Variants in CTIF observed in about 807,000 individuals in gnomAD.
CTIF encodes CBP80/20-dependent translation initiation factor.
A neutral mutation model predicts 66.0 loss-of-function variants in CTIF; 21 were observed. The observed-to-expected ratio is 0.32, with a 90% CI of 0.23 to 0.46. The LOEUF (loss-of-function observed/expected upper bound fraction) is 0.46, where lower values mean the gene tolerates loss of function less well. Among genes scored for constraint, CTIF ranks in the 20% least tolerant of loss-of-function variants. CTIF has a pLI of 1.00. For synonymous variants in CTIF, 345 were observed against 326.4 expected, an observed-to-expected ratio of 1.06 and a Z score of -0.62; for missense variants, 739 against 812.7, an observed-to-expected ratio of 0.91 and a Z score of 1.10.
rs1030349387 is a variant in CTIF, at chr18:48,815,604, C to T, written c.1372-1617C>T. On this transcript the variant is annotated intron_variant, in intron 9 of 11. Transcript: ENST00000256413. ...GTCATTATAAGCTGTGGCCTAGGCT[C>T]ATCCAAAGCTGGCACTGCAGGGCTT... Among the ~76,000 whole-genome samples, 8 of 152,374 alleles carry T rather than the reference C, an allele frequency of 5.3e-5. No individual in the cohort carries two copies. In the East Asian group the frequency reaches 7.7e-4, roughly 15 times the overall value.
chr18:48,649,321 G>A (rs907213652), intron 3 of CTIF, among the ~76,000 whole-genome samples: 1 of 152,238 alleles, frequency 6.6e-6, no homozygotes, highest in Non-Finnish European at 1.5e-5. Context: ...GGCTCAGCGG[G>A]TCCCATGCCC....
At chr18:48,622,785 G>C (rs2144458088) in intron 2 of CTIF, among the ~76,000 whole-genome samples, 2 of 152,274 alleles carry the variant, frequency 1.3e-5, no homozygotes, top group Admixed American at 1.3e-4. Context: ...AGCCCCTAGA[G>C]CTGACTTCCC....
intron 7 of CTIF, among the ~76,000 whole-genome samples, chr18:48,722,933 G>A (rs886782707): frequency 2.0e-5 from 3 of 152,236 alleles, no homozygotes; most frequent in Non-Finnish European, 4.4e-5. Flanking sequence ...TGCCAAGCCT[G>A]GATGTCACTC....
At chr18:48,766,615 C>A (rs1295193402) in intron 9 of CTIF, among the ~76,000 whole-genome samples, 1 of 152,214 alleles carries the variant, frequency 6.6e-6, no homozygotes, top group Non-Finnish European at 1.5e-5. Flanking sequence ...TGAGGAGACA[C>A]CCCAGAGACA....
intron 6 of CTIF, among the ~76,000 whole-genome samples, chr18:48,686,131 A>G (rs2091837217): frequency 6.6e-6 from 1 of 152,234 alleles, no homozygotes; most frequent in Non-Finnish European, 1.5e-5. Flanking sequence ...TGATCAGCAA[A>G]TAGTGGTTTT....
intron 2 of CTIF, chr18:48,621,428 C>G (rs2090491501): frequency 8.1e-6 from 2 of 247,222 alleles, no homozygotes; most frequent in Non-Finnish European, 1.6e-5. Context: ...GGAGGGAGAG[C>G]TGCGGAGATG....
At chr18:48,661,473 G>T (rs299750) in intron 3 of CTIF, among the ~76,000 whole-genome samples, 135,240 of 152,050 alleles carry the variant, frequency 0.89, 60,565 homozygotes, top group East Asian at 1. Context: ...CAGGAGGGGG[G>T]TGTGAACAAG....
In CTIF at chr18:48,621,964, G is replaced by T. The variant is rs1410311438; in HGVS notation, c.180+2219G>T. On this transcript the variant is annotated intron_variant, in intron 2 of 11. Transcript: ENST00000256413. ...TGACAGGAGGGAGTGGCAGGTGTGG[G>T]GCCGCGCATCTAAAATGGCTCCTGC... 4.6e-5 allele frequency among the ~76,000 whole-genome samples: 7 copies of T among 152,326 alleles called. No individual in the cohort carries two copies. In the East Asian group the frequency reaches 1.3e-3, roughly 29 times the overall value.
chr18:48,684,700 CAAAG>C (rs2091806970), intron 6 of CTIF, among the ~76,000 whole-genome samples: 1 of 152,180 alleles, frequency 6.6e-6, no homozygotes, highest in Non-Finnish European at 1.5e-5. Flanking sequence ...AAAAATAACA[CAAAG>C]AATTCCTATA....
In CTIF at chr18:48,862,698, G is replaced by T. The variant is rs8091995; in HGVS notation, c.*3139G>T. 0.18 allele frequency: 27,782 copies of T among 152,546 alleles called. 2,708 individuals are homozygous for T. The highest frequency in any genetic ancestry group is 0.23 in the African/African-American group (9,452 of 41,478). 9.4% of individuals were successfully genotyped at this position (152,546 alleles called of 1,614,324 possible). On this transcript the variant is annotated 3_prime_UTR_variant, in exon 12 of 12. Transcript: ENST00000256413. ...TTCTATTATTTTCTCCGAGGGATGAGGGTGGGGGGTGTGGGAAGGGTACCA... is the reference window on the plus strand; with the variant it reads ...TTCTATTATTTTCTCCGAGGGATGATGGTGGGGGGTGTGGGAAGGGTACCA...
intron 6 of CTIF, among the ~76,000 whole-genome samples, chr18:48,690,156 T>TCCACC (rs1340787639): frequency 6.6e-6 from 1 of 152,088 alleles, no homozygotes; most frequent in African/African-American, 2.4e-5. Context: ...CTCCCCCATC[T>TCCACC]CCACCCCACC....
chr18:48,585,539 C>A (rs1174904833), intron 1 of CTIF, among the ~76,000 whole-genome samples: 1 of 152,166 alleles, frequency 6.6e-6, no homozygotes. Flanking sequence ...ACACCATCCA[C>A]ACACTGGGGG....
intron 5 of CTIF, among the ~76,000 whole-genome samples, chr18:48,668,353 A>G (rs1366033721): frequency 1.3e-5 from 2 of 152,154 alleles, no homozygotes; most frequent in Non-Finnish European, 2.9e-5. Context: ...CTCCTCCCCT[A>G]TGGCCCAGGC....
At chr18:48,806,816 G>A (rs1327168487) in intron 9 of CTIF, among the ~76,000 whole-genome samples, 3 of 152,222 alleles carry the variant, frequency 2.0e-5, no homozygotes, top group Non-Finnish European at 2.9e-5. Context: ...CTGAGACACT[G>A]AATGGCTTTC....
At chr18:48,618,461 T>A (rs554599642) in intron 1 of CTIF, among the ~76,000 whole-genome samples, 29 of 152,302 alleles carry the variant, frequency 1.9e-4, no homozygotes, top group Admixed American at 1.4e-3. Flanking sequence ...GGATCTTCCA[T>A]GGAAATCACA....
At chr18:48,844,270 A>G (rs2069017902) in intron 10 of CTIF, among the ~76,000 whole-genome samples, 1 of 152,130 alleles carries the variant, frequency 6.6e-6, no homozygotes, top group African/African-American at 2.4e-5. Flanking sequence ...AACCCACCCC[A>G]GGGTCCTGGG....
At chr18:48,569,004 T>G (rs2089349189) in intron 1 of CTIF, among the ~76,000 whole-genome samples, 1 of 152,186 alleles carries the variant, frequency 6.6e-6, no homozygotes, top group African/African-American at 2.4e-5. Flanking sequence ...CTCCTTGGCC[T>G]GCTGATGGTC....
chr18:48,603,369 AGATGGATG>A (rs754747962), intron 1 of CTIF, among the ~76,000 whole-genome samples: 9 of 123,480 alleles, frequency 7.3e-5, no homozygotes, highest in South Asian at 2.9e-4. Context: ...ATAGGTGGGT[AGATGGATG>A]GATGGATGGA....
chr18:48,749,594 A>G (rs1907598829), intron 7 of CTIF, among the ~76,000 whole-genome samples: 2 of 152,228 alleles, frequency 1.3e-5, no homozygotes, highest in African/African-American at 4.8e-5. Context: ...AACCCATGGC[A>G]TAATAATATT....
Sources: allele counts gnomAD v4.1 joint callset (sites outside exome capture counted in the v4.1 genomes callset), GRCh38; gene constraint gnomAD v4.1.1; transcripts MANE v1.5; gene names NCBI Gene and HGNC (gene_info 2026-07-23, HGNC 2026-07-21).